HIPK2: variants seen among roughly 807,000 people sequenced by gnomAD.
HIPK2 encodes homeodomain interacting protein kinase 2.
Under a neutral mutation model 113.7 loss-of-function variants are expected in HIPK2, and 27 were observed. That is an observed-to-expected ratio of 0.24 (90% confidence interval 0.17 to 0.33). HIPK2 has a LOEUF of 0.33. Ranked by LOEUF, HIPK2 falls within the 10% of genes least tolerant of loss-of-function variation. The pLI is 1.00. For missense variants in HIPK2, 1,257 were observed against 1,588.0 expected, an observed-to-expected ratio of 0.79 and a Z score of 3.54; for synonymous variants, 631 against 642.2, an observed-to-expected ratio of 0.98 and a Z score of 0.26.
intron 2 of HIPK2, among the ~76,000 whole-genome samples, chr7:139,659,300 A>T (rs935727739): frequency 6.6e-6 from 1 of 152,332 alleles, no homozygotes; most frequent in South Asian, 2.1e-4. Flanking sequence ...TTCTACTCTA[A>T]AAGCATTCAC....
chr7:139,625,477 T>A (rs140378356), intron 6 of HIPK2, among the ~76,000 whole-genome samples: 4 of 152,366 alleles, frequency 2.6e-5, no homozygotes, highest in Non-Finnish European at 5.9e-5. Context: ...GCTTTTTGGA[T>A]CAAGATTAAA....
chr7:139,665,596 AT>A (rs1802021691), intron 2 of HIPK2, among the ~76,000 whole-genome samples: 3 of 151,694 alleles, frequency 2.0e-5, no homozygotes, highest in South Asian at 2.1e-4. Context: ...CCATCCATCC[AT>A]CCATCCATCC....
chr7:139,716,019 GGTT>G lies in HIPK2; in HGVS notation c.1013_1015del (p.Gln338del), dbSNP rs1428778629. 5.0e-6 allele frequency: 8 copies of G among 1,614,122 alleles called. No individual in the cohort carries two copies. Among genetic ancestry groups the G allele is most frequent in the Non-Finnish European group, 6.8e-6 (8 of 1,179,998 alleles). ...AAAGTCGATGACCTTGACTCTGTAT[GGTT>G]GTCTAGATGGATCCACCAGCATGAT... On this transcript the variant is annotated inframe_deletion, in exon 2 of 15. Transcript: ENST00000406875. This position sits in a 1 kb window ranked among gnomAD's most constrained non-coding sequence, Gnocchi z 9.3.
chr7:139,682,689 C>A (rs1305588212), intron 2 of HIPK2, among the ~76,000 whole-genome samples: 1 of 152,222 alleles, frequency 6.6e-6, no homozygotes, highest in Admixed American at 6.5e-5. Context: ...GTTTCAAATG[C>A]GCCTAATGGT....
intron 6 of HIPK2, 107 bp from the exon 7 acceptor site, chr7:139,620,670 T>A: frequency 1.4e-6 from 2 of 1,384,722 alleles, no homozygotes; most frequent in Non-Finnish European, 2.0e-6. Flanking sequence ...GTTAATTCAG[T>A]AAACAGGACA....
At chr7:139,590,374 A>G (rs578036147) in intron 12 of HIPK2, among the ~76,000 whole-genome samples, 61 of 152,338 alleles carry the variant, frequency 4.0e-4, no homozygotes, top group African/African-American at 1.3e-3. Context: ...AAAGTAAAGA[A>G]ATCCCTAAAG....
chr7:139,690,088 A>G (rs544360167), intron 2 of HIPK2, among the ~76,000 whole-genome samples: 25 of 151,538 alleles, frequency 1.6e-4, no homozygotes, highest in Non-Finnish European at 3.2e-4. Context: ...GCGGGGAGGG[A>G]CAGCTGACAC....
chr7:139,641,814 G>C (rs931926794), intron 2 of HIPK2, among the ~76,000 whole-genome samples: 5 of 152,222 alleles, frequency 3.3e-5, no homozygotes, highest in African/African-American at 1.2e-4. Context: ...GACAAAACAA[G>C]GGCAGGGTTC....
intron 2 of HIPK2, among the ~76,000 whole-genome samples, chr7:139,674,773 T>C (rs1177318070): frequency 6.6e-6 from 1 of 152,244 alleles, no homozygotes; most frequent in East Asian, 1.9e-4. Flanking sequence ...TTAATGAATA[T>C]TACTAAGTAA....
At chr7:139,668,163 C>T (rs1323228253) in intron 2 of HIPK2, among the ~76,000 whole-genome samples, 1 of 149,168 alleles carries the variant, frequency 6.7e-6, no homozygotes, top group Non-Finnish European at 1.5e-5. Flanking sequence ...CAAGCAGTTA[C>T]CTGCATATGA....
intron 2 of HIPK2, among the ~76,000 whole-genome samples, chr7:139,643,948 G>A (rs759982505): frequency 5.3e-5 from 8 of 152,110 alleles, no homozygotes; most frequent in East Asian, 1.9e-4. Flanking sequence ...GAAGCTCTGC[G>A]TTGCTGGAGA....
Position 139,596,887 on chromosome 7 carries a change from C to A in HIPK2, c.2547G>T (p.Pro849=). The A allele has an allele frequency of 6.2e-7, 1 of 1,613,878 alleles. No individual in the cohort carries two copies. Among genetic ancestry groups the A allele is most frequent in the Non-Finnish European group, 8.5e-7 (1 of 1,179,864 alleles). The change falls in exon 12 of 15, where the codon CCG becomes CCT. Residue 849 remains proline, a synonymous_variant. Coordinates refer to ENST00000406875, the MANE Select transcript of HIPK2 (RefSeq NM_022740.5). The stretch of plus-strand genomic sequence containing the variant: ...CACAGGTGACCGAGGTGCTGCAGGC[C>A]GGGCTACTGTGCACCATGGCACAGC... The part of the protein sequence containing the change: ...PPRCAMVHSS[P]ACSTSVTCGW...
intron 6 of HIPK2, 96 bp from the exon 7 acceptor site, chr7:139,620,659 G>C: frequency 6.9e-7 from 1 of 1,442,076 alleles, no homozygotes; most frequent in Non-Finnish European, 9.5e-7. Flanking sequence ...AGGAGAGAAG[G>C]GTTAATTCAG....
In HIPK2 at chr7:139,716,456, G is replaced by C; in HGVS notation, c.579C>G (p.Cys193Trp). The change falls in exon 2 of 15, where the codon TGC (cysteine) becomes TGG (tryptophan). Residue 193 changes from cysteine (C) to tryptophan (W), a missense_variant. This residue lies in a region of HIPK2 where 78 missense variants were observed against 145.7 expected (regional missense o/e 0.54). Coordinates refer to ENST00000406875, the MANE Select transcript of HIPK2 (RefSeq NM_022740.5). The surrounding 1 kb of genome is among the most constrained non-coding windows in gnomAD (Gnocchi z 9.3). ...AGACCTCGTAGGTGTTGGTCATGGA[G>C]CACAGCACCTCATGCTGCACCAGCT... ...DYQLVQHEVL[C>W]SMTNTYEVLE... 1 of 1,614,012 alleles carries C rather than the reference G, an allele frequency of 6.2e-7. No homozygotes were observed. Among genetic ancestry groups the C allele is most frequent in the Non-Finnish European group, 8.5e-7 (1 of 1,179,896 alleles).
chr7:139,618,246 C>CTAT (rs1800123560), intron 7 of HIPK2, among the ~76,000 whole-genome samples: 1 of 152,166 alleles, frequency 6.6e-6, no homozygotes, highest in Admixed American at 6.5e-5. Flanking sequence ...TAAGTGTTAG[C>CTAT]TATTAGTAAT....
In HIPK2 at chr7:139,716,177, G is replaced by A. The variant is rs750610684; in HGVS notation, c.858C>T (p.Asp286=). ...GGCTAAACTTGTTTTGCTTCAGAAAGTCATAGAGGTTCTGCTCCAACATCT... is the reference window on the plus strand; with the variant it reads ...GGCTAAACTTGTTTTGCTTCAGAAAATCATAGAGGTTCTGCTCCAACATCT... ...VFEMLEQNLY[D]FLKQNKFSPL... Residue 286 remains aspartate, a synonymous_variant, in exon 2 of 15, where the codon GAC becomes GAT. Coordinates refer to ENST00000406875, the MANE Select transcript of HIPK2 (RefSeq NM_022740.5). The surrounding 1 kb of genome is among the most constrained non-coding windows in gnomAD (Gnocchi z 9.3). 2.5e-6 allele frequency: 4 copies of A among 1,614,056 alleles called. No individual in the cohort carries two copies. The South Asian group carries it at 4.4e-5, about 18-fold the overall frequency.
chr7:139,617,346 G>A (rs923883471), intron 7 of HIPK2, among the ~76,000 whole-genome samples: 1 of 152,202 alleles, frequency 6.6e-6, no homozygotes, highest in African/African-American at 2.4e-5. Context: ...GATTACAGGT[G>A]TGCACCACTG....
chr7:139,755,322 G>T (rs1290319651), intron 1 of HIPK2, among the ~76,000 whole-genome samples: 1 of 152,186 alleles, frequency 6.6e-6, no homozygotes, highest in Admixed American at 6.5e-5. Flanking sequence ...AAGAACATCA[G>T]TTTTTTACAA....
intron 2 of HIPK2, among the ~76,000 whole-genome samples, chr7:139,662,617 CTTTT>C (rs373566905): frequency 0.086 from 11,483 of 133,506 alleles, 477 homozygotes; most frequent in East Asian, 0.14. Context: ...TAAAACACCA[CTTTT>C]TTTTTTTTTT....
Sources: allele counts gnomAD v4.1 joint callset (sites outside exome capture counted in the v4.1 genomes callset), GRCh38; gene constraint gnomAD v4.1.1; regional missense constraint gnomAD v4.1.1; non-coding constraint Gnocchi (gnomAD v3.1); transcripts MANE v1.5; gene names NCBI Gene and HGNC (gene_info 2026-07-23, HGNC 2026-07-21).